CNTN5: variants seen among roughly 807,000 people sequenced by gnomAD.
CNTN5 encodes the protein contactin 5, also known as contactin-5.
Under a neutral mutation model 129.1 loss-of-function variants are expected in CNTN5, and 77 were observed. The observed-to-expected ratio is 0.60, with a 90% CI of 0.50 to 0.72. CNTN5 has a LOEUF of 0.72. CNTN5 is among the 30% of genes least tolerant of loss of function. The pLI is 0.00. For synonymous variants in CNTN5, 509 were observed against 465.6 expected (o/e 1.09, Z -1.20); for missense variants, 1,478 against 1,328.8 (o/e 1.11, Z -1.75).
chr11:99,681,998 A>G (rs548827977), intron 3 of CNTN5, among the ~76,000 whole-genome samples: 1 of 152,210 alleles, frequency 6.6e-6, no homozygotes, highest in South Asian at 2.1e-4. Flanking sequence ...GGAAACACAA[A>G]AAAGGGTAAG....
At chr11:99,024,913 C>T (rs1863044517) in intron 1 of CNTN5, among the ~76,000 whole-genome samples, 1 of 151,898 alleles carries the variant, frequency 6.6e-6, no homozygotes. Context: ...GCTAGAATTT[C>T]TTGTGATCAC....
intron 9 of CNTN5, among the ~76,000 whole-genome samples, chr11:100,003,274 G>A (rs1341634948): frequency 1.3e-5 from 2 of 152,092 alleles, no homozygotes; most frequent in Non-Finnish European, 2.9e-5. Context: ...AATGTAAAAT[G>A]TATCTAGGAG....
At chr11:99,699,476 G>A (rs768427586) in intron 3 of CNTN5, among the ~76,000 whole-genome samples, 8 of 151,328 alleles carry the variant, frequency 5.3e-5, no homozygotes, top group Admixed American at 2.0e-4. Context: ...AAGACTTCCA[G>A]ATTTTATTAT....
At chr11:100,031,825 C>T (rs913622404) in intron 9 of CNTN5, among the ~76,000 whole-genome samples, 5 of 152,132 alleles carry the variant, frequency 3.3e-5, no homozygotes, top group Admixed American at 3.3e-4. Flanking sequence ...ATGACCATCT[C>T]ACCTCATGAT....
At chr11:99,905,400 C>A (rs888020454) in intron 6 of CNTN5, among the ~76,000 whole-genome samples, 2 of 152,130 alleles carry the variant, frequency 1.3e-5, no homozygotes, top group Non-Finnish European at 2.9e-5. Context: ...ATAGAAAATT[C>A]TTTCCCCATG....
At chr11:99,235,915 G>T (rs892154451) in intron 1 of CNTN5, among the ~76,000 whole-genome samples, 1 of 152,194 alleles carries the variant, frequency 6.6e-6, no homozygotes, top group African/African-American at 2.4e-5. Flanking sequence ...GAACCTGGAA[G>T]CTGGCTTCTG....
chr11:99,419,722 G>A (rs11607942), intron 2 of CNTN5, among the ~76,000 whole-genome samples: 1 of 152,112 alleles, frequency 6.6e-6, no homozygotes, highest in African/African-American at 2.4e-5. Context: ...GCTGGAGAAA[G>A]TTATGTAAAT....
chr11:100,300,513 C>T (rs1951195381), intron 20 of CNTN5, among the ~76,000 whole-genome samples: 1 of 151,530 alleles, frequency 6.6e-6, no homozygotes, highest in South Asian at 2.1e-4. Context: ...ACATGTAGGA[C>T]TTGAACAGCT....
At chr11:99,689,400 G>T (rs990697883) in intron 3 of CNTN5, among the ~76,000 whole-genome samples, 1 of 151,784 alleles carries the variant, frequency 6.6e-6, no homozygotes, top group African/African-American at 2.4e-5. Context: ...GGTGGTGGGC[G>T]CCTGTAGTCC....
chr11:99,708,719 A>G (rs1311519497), intron 3 of CNTN5, among the ~76,000 whole-genome samples: 1 of 151,648 alleles, frequency 6.6e-6, no homozygotes, highest in Non-Finnish European at 1.5e-5. Context: ...CAGCTAAAGG[A>G]CAAAGAGTCC....
chr11:100,287,959 C>T (rs61908371), intron 18 of CNTN5, among the ~76,000 whole-genome samples: 16 of 152,022 alleles, frequency 1.1e-4, no homozygotes, highest in Middle Eastern at 3.4e-3. Context: ...GTTGCAATCC[C>T]AGTCTCTGAT....
chr11:100,191,107 G>T lies in CNTN5; in HGVS notation c.1581-19G>T, dbSNP rs115119611. On this transcript the variant is annotated intron_variant, in intron 13 of 24. Coordinates refer to ENST00000524871, the MANE Select transcript of CNTN5 (RefSeq NM_014361.4). ...TTGCAGTAAAACAGAAAAAAAAACT[G>T]TTTTTAAATAATTTTCAGAATAGCT... 4,293 of 1,526,242 alleles carry T rather than the reference G, an allele frequency of 2.8e-3. 114 individuals are homozygous for T. The African/African-American group carries it at 0.053, about 19-fold the overall frequency. The allele number at this position is 1,526,242 out of a possible 1,614,324, so 94.5% of individuals were successfully genotyped here. A position where few individuals can be genotyped will look rare whatever the true frequency, so the allele number is the denominator to read the frequency against.
chr11:99,668,829 G>C (rs962598011), intron 3 of CNTN5, among the ~76,000 whole-genome samples: 11 of 152,106 alleles, frequency 7.2e-5, no homozygotes, highest in African/African-American at 2.2e-4. Context: ...AGCTACTCGG[G>C]AAGTTGAGGA....
intron 6 of CNTN5, among the ~76,000 whole-genome samples, chr11:99,850,479 CAAATT>C (rs1381474562): frequency 6.6e-6 from 1 of 152,046 alleles, no homozygotes; most frequent in African/African-American, 2.4e-5. Context: ...AAGTATAAAG[CAAATT>C]AAATTGTTTT....
intron 1 of CNTN5, among the ~76,000 whole-genome samples, chr11:99,138,889 A>G (rs1859369879): frequency 6.6e-6 from 1 of 152,162 alleles, no homozygotes; most frequent in African/African-American, 2.4e-5. Context: ...GATTTTCTTT[A>G]CTTTTTCTTT....
chr11:99,394,786 C>T (rs1057146113), intron 2 of CNTN5, among the ~76,000 whole-genome samples: 3 of 151,732 alleles, frequency 2.0e-5, no homozygotes, highest in African/African-American at 7.2e-5. Context: ...TAAGTGATAA[C>T]ATGTGGTATT....
intron 7 of CNTN5, among the ~76,000 whole-genome samples, chr11:99,937,199 A>C (rs1350873901): frequency 6.6e-6 from 1 of 152,240 alleles, no homozygotes; most frequent in Non-Finnish European, 1.5e-5. Context: ...AAATATAGTA[A>C]GCGGTGTAAC....
intron 3 of CNTN5, among the ~76,000 whole-genome samples, chr11:99,619,755 G>A (rs1006274887): frequency 2.0e-5 from 3 of 152,054 alleles, no homozygotes; most frequent in African/African-American, 7.2e-5. Flanking sequence ...TGTCGGGCGT[G>A]GTGGCTCAAG....
chr11:99,206,936 A>G (rs1046456405), intron 1 of CNTN5, among the ~76,000 whole-genome samples: 1 of 152,108 alleles, frequency 6.6e-6, no homozygotes, highest in Non-Finnish European at 1.5e-5. Flanking sequence ...TTATTTCATC[A>G]ATAATATCAA....
Sources: gnomAD v4.1 joint callset for allele counts (sites outside exome capture counted in the v4.1 genomes callset) on GRCh38, gnomAD v4.1.1 for gene constraint, MANE v1.5 for transcripts, NCBI Gene and HGNC (gene_info 2026-07-23, HGNC 2026-07-21) for gene names.